The following ENTREP2 variants were observed in gnomAD, a reference collection of about 807,000 sequenced individuals.
The protein encoded by ENTREP2 is protein ENTREP2.
chr15:29,593,424 A>ACCAGTGACAGCCTCTTGACTCCTC, the ENTREP2 span, among the ~76,000 whole-genome samples: 1 of 151,720 alleles, frequency 6.6e-6, no homozygotes, highest in Admixed American at 6.6e-5. Context: ...CAACTCCCCC[A>ACCAGTGACAGCCTCTTGACTCCTC]CCAGTGACAG....
At chr15:29,357,587 C>G in the ENTREP2 span, among the ~76,000 whole-genome samples, 2 of 152,160 alleles carry the variant, frequency 1.3e-5, no homozygotes, top group African/African-American at 4.8e-5. Flanking sequence ...CCTGTAATCC[C>G]AGCACTTTGG....
the ENTREP2 span, among the ~76,000 whole-genome samples, chr15:29,372,762 GT>G: frequency 6.6e-6 from 1 of 152,064 alleles, no homozygotes; most frequent in African/African-American, 2.4e-5. Flanking sequence ...ATGTAGTGTT[GT>G]CTTAGAAATG....
chr15:29,664,870 G>A, the ENTREP2 span, among the ~76,000 whole-genome samples: 1 of 152,244 alleles, frequency 6.6e-6, no homozygotes, highest in South Asian at 2.1e-4. Context: ...CTCAAAGTCA[G>A]ATGTTACACT....
chr15:29,319,428 T>G, the ENTREP2 span, among the ~76,000 whole-genome samples: 1 of 152,174 alleles, frequency 6.6e-6, no homozygotes, highest in Admixed American at 6.5e-5. Flanking sequence ...AATTCCCTAT[T>G]GAAATTCACT....
chr15:29,232,470 T>A, the ENTREP2 span, among the ~76,000 whole-genome samples: 1 of 151,656 alleles, frequency 6.6e-6, no homozygotes, highest in African/African-American at 2.4e-5. Flanking sequence ...CTGCCTTCTT[T>A]TTTTTTTTAA....
the ENTREP2 span, among the ~76,000 whole-genome samples, chr15:29,433,101 A>G: frequency 6.6e-6 from 1 of 152,148 alleles, no homozygotes; most frequent in African/African-American, 2.4e-5. Flanking sequence ...TGAGCCAAGG[A>G]ACCTGCCTGG....
the ENTREP2 span, among the ~76,000 whole-genome samples, chr15:29,342,464 G>T: frequency 6.6e-6 from 1 of 152,164 alleles, no homozygotes; most frequent in Non-Finnish European, 1.5e-5. Context: ...TCTCCCTTCC[G>T]ATGTACAGGT....
the ENTREP2 span, among the ~76,000 whole-genome samples, chr15:29,216,602 T>C: frequency 6.6e-6 from 1 of 152,218 alleles, no homozygotes. Flanking sequence ...GGGACACTGA[T>C]CATTCTTAGG....
chr15:29,131,968 C>T, the ENTREP2 span, among the ~76,000 whole-genome samples: 12 of 152,284 alleles, frequency 7.9e-5, 1 homozygote, highest in East Asian at 1.2e-3. Flanking sequence ...GAAGTGTGCA[C>T]GGCCCGTCAC....
chr15:29,296,765 T>A, the ENTREP2 span, among the ~76,000 whole-genome samples: 1 of 152,116 alleles, frequency 6.6e-6, no homozygotes, highest in Non-Finnish European at 1.5e-5. Context: ...CAACAGAGCA[T>A]CCATCAGGGA....
At chr15:29,561,164 C>A in the ENTREP2 span, among the ~76,000 whole-genome samples, 2 of 150,060 alleles carry the variant, frequency 1.3e-5, no homozygotes, top group Non-Finnish European at 3.0e-5. Flanking sequence ...TAAGTTAGTA[C>A]AGCCATTACG....
chr15:29,444,166 CAGACAAAGAAAGAAAGAAAG>C, the ENTREP2 span, among the ~76,000 whole-genome samples: 2 of 53,292 alleles, frequency 3.8e-5, no homozygotes, highest in Non-Finnish European at 8.8e-5. Context: ...GAAAGAAAGA[CAGACAAAGAAAGAAAGAAAG>C]AAAGAAAGAA....
At chr15:29,311,145 C>T in the ENTREP2 span, among the ~76,000 whole-genome samples, 1 of 151,960 alleles carries the variant, frequency 6.6e-6, no homozygotes, top group African/African-American at 2.4e-5. Context: ...ATTTAGTATT[C>T]TCTCTTCAGT....
chr15:29,196,609 G>A, the ENTREP2 span: 38 of 1,530,392 alleles, frequency 2.5e-5, no homozygotes, highest in Non-Finnish European at 3.2e-5. Flanking sequence ...ACAGGCATTC[G>A]ACCCCCGAGG....
chr15:29,561,701 T>A, the ENTREP2 span, among the ~76,000 whole-genome samples: 1 of 149,864 alleles, frequency 6.7e-6, no homozygotes, highest in Non-Finnish European at 1.5e-5. Flanking sequence ...ATTATAATAA[T>A]AATAATAATA....
chr15:29,170,294 C>T, the ENTREP2 span, among the ~76,000 whole-genome samples: 235 of 111,074 alleles, frequency 2.1e-3, 2 homozygotes, highest in African/African-American at 7.8e-3. Flanking sequence ...GGTGACAGAG[C>T]GAGACTCCAT....
the ENTREP2 span, among the ~76,000 whole-genome samples, chr15:29,127,107 C>T: frequency 2.6e-5 from 4 of 152,324 alleles, no homozygotes; most frequent in Non-Finnish European, 5.9e-5. Context: ...TGAAGCGAGC[C>T]CTCCAGGGAA....
chr15:29,523,530 T>C, the ENTREP2 span, among the ~76,000 whole-genome samples: 1 of 147,560 alleles, frequency 6.8e-6, no homozygotes, highest in Non-Finnish European at 1.5e-5. Context: ...TTCTACAAAT[T>C]CAACACAACC....
chr15:29,571,578 G>A, the ENTREP2 span, among the ~76,000 whole-genome samples: 2 of 152,162 alleles, frequency 1.3e-5, no homozygotes, highest in Admixed American at 6.5e-5. Flanking sequence ...GGACACACAC[G>A]ATGTCCCTTA....
Sources: allele counts gnomAD v4.1 joint callset (sites outside exome capture counted in the v4.1 genomes callset), GRCh38; gene constraint gnomAD v4.1.1; transcripts MANE v1.5; gene names NCBI Gene and HGNC (gene_info 2026-07-23, HGNC 2026-07-21).